The following ZP4 variants were observed in gnomAD, a reference collection of about 807,000 sequenced individuals.
The protein encoded by ZP4 is zona pellucida glycoprotein 4.
Under a neutral mutation model 62.3 loss-of-function variants are expected in ZP4, and 62 were observed. The observed-to-expected ratio is 0.99, with a 90% confidence interval of 0.81 to 1.23. The LOEUF (loss-of-function observed/expected upper bound fraction) is 1.23, where lower values mean the gene tolerates loss of function less well. ZP4 is among the 50% of genes most tolerant of loss of function. ZP4 has a pLI of 0.00. For synonymous variants in ZP4, 289 were observed against 247.3 expected, an observed-to-expected ratio of 1.17 and a Z score of -1.58; for missense variants, 774 against 656.0, an observed-to-expected ratio of 1.18 and a Z score of -1.97.
At chr1:237,887,613 G>A (rs1665136989) in intron 4 of ZP4, 52 bp from the exon 5 acceptor site, 2 of 1,558,476 alleles carry the variant, frequency 1.3e-6, no homozygotes, top group Non-Finnish European at 1.7e-6. Context: ...ATTGTGGGGA[G>A]AACCAGATGA....
chr1:237,883,718 GGAGGGCGGGGGAGGGA>G (rs1664984151), intron 10 of ZP4, among the ~76,000 whole-genome samples: 2 of 19,122 alleles, frequency 1.0e-4, no homozygotes, highest in African/African-American at 5.1e-4. Context: ...GGAGGGCGGG[GGAGGGCGGGGGAGGGA>G]GAGAGAGGGA....
At chr1:237,889,588 CAG>C (rs1665188741) in intron 3 of ZP4, among the ~76,000 whole-genome samples, 1 of 152,118 alleles carries the variant, frequency 6.6e-6, no homozygotes, top group Admixed American at 6.5e-5. Context: ...GCTGTGATTA[CAG>C]GTGTGAGCCA....
At chr1:237,886,658 G>C (rs1665108975) in intron 6 of ZP4, 113 bp downstream of exon 6, 4 of 827,526 alleles carry the variant, frequency 4.8e-6, no homozygotes, top group Middle Eastern at 3.7e-4. Flanking sequence ...GGTGAACCAA[G>C]GTAGCAGACA....
chr1:237,885,424 A>AGG lies in ZP4; in HGVS notation c.1125_1126dup (p.Leu376ProfsTer2). 1 of 1,612,884 alleles carries AGG rather than the reference A, an allele frequency of 6.2e-7. No homozygotes were observed. Among genetic ancestry groups the AGG allele is most frequent in the South Asian group, 1.1e-5 (1 of 90,960 alleles). ...CAGGATGGGCCACTGTGGCTGACTCAGGGGGTCAGTGCTGGGTGTTGCCCA... is the reference window on the plus strand; with the variant it reads ...CAGGATGGGCCACTGTGGCTGACTCAGGGGGGGTCAGTGCTGGGTGTTGCCCA... On this transcript the variant is annotated frameshift_variant, in exon 8 of 12. Coordinates refer to ENST00000366570, the MANE Select transcript of ZP4 (RefSeq NM_021186.5). LOFTEE classifies it high-confidence loss of function.
Position 237,885,263 on chromosome 1 carries a change from C to G in ZP4, c.1213G>C (p.Ala405Pro). Reference protein sequence around the residue: ...YQTQLIPVQKALDLPFPSHHQ... With the variant: ...YQTQLIPVQKPLDLPFPSHHQ... The stretch of plus-strand genomic sequence containing the variant: ...TGAGAGGGAAATGGAAGATCCAAGG[C>G]TTTCTGGACAGGGATCAGCTGGGTC... The change falls in exon 9 of 12, where the codon GCC becomes CCC. Residue 405 changes from alanine to proline, a missense_variant. Ala to Pro is a conservative substitution (Grantham distance 27). Transcript: ENST00000366570. 3 of 1,614,140 alleles carry G rather than the reference C, an allele frequency of 1.9e-6. No individual in the cohort carries two copies. The highest frequency in any genetic ancestry group is 2.5e-6 in the Non-Finnish European group (3 of 1,180,030).
chr1:237,887,708 C>G lies in ZP4; in HGVS notation c.554-147G>C, dbSNP rs1198041398. ...ACAACCTCAGTGCAAGATCAACCAA[C>G]CACAGTTTAACCCAGGCTCTAAATG... On this transcript the variant is annotated intron_variant, in intron 4 of 11. Transcript: ENST00000366570. 6.5e-6 allele frequency: 5 copies of G among 774,796 alleles called. No individual in the cohort carries two copies. The Admixed American group carries it at 8.9e-5, about 14-fold the overall frequency. The allele number at this position is 774,796 out of a possible 1,614,324, so 48.0% of individuals were successfully genotyped here. A position where few individuals can be genotyped will look rare whatever the true frequency, so the allele number is the denominator to read the frequency against.
chr1:237,882,935 C>G (rs1664951001), intron 10 of ZP4, 89 bp from the exon 11 acceptor site: 14 of 1,112,280 alleles, frequency 1.3e-5, no homozygotes, highest in Non-Finnish European at 1.8e-5. Context: ...CCAAGTGTCT[C>G]TATAAAGCTT....
In ZP4 at chr1:237,890,721, T is replaced by C. The variant is rs1665223880; in HGVS notation, c.-86A>G. On this transcript the variant is annotated 5_prime_UTR_variant, in exon 1 of 12. Transcript: ENST00000366570. Reference sequence around the variant, plus strand: ...GTCTGCCTGCCCAGATTCCTTTATATACAGAAGTCAGGCTTGTTTTCAGCT... The same window carrying C: ...GTCTGCCTGCCCAGATTCCTTTATACACAGAAGTCAGGCTTGTTTTCAGCT... 14 of 1,458,238 alleles carry C rather than the reference T, an allele frequency of 9.6e-6. No homozygotes were observed. Among genetic ancestry groups the C allele is most frequent in the Non-Finnish European group, 1.2e-5 (13 of 1,086,942 alleles). 90.3% of individuals were successfully genotyped at this position (1,458,238 alleles called of 1,614,324 possible).
Position 237,886,822 on chromosome 1 carries a change from C to G in ZP4, c.788G>C (p.Arg263Thr). 1 of 1,614,094 alleles carries G rather than the reference C, an allele frequency of 6.2e-7. No individual in the cohort carries two copies. The highest frequency in any genetic ancestry group is 1.7e-4 in the Middle Eastern group (1 of 6,060). ...GCCACGGCTCCCATTTTTCACATCC[C>G]TAGTTGCCACCAGTTCATTTTCATA... Reference protein sequence around the residue: ...AVYENELVATRDVKNGSRGSV... With the variant: ...AVYENELVATTDVKNGSRGSV... The change falls in exon 6 of 12, where the codon AGG (arginine) becomes ACG (threonine). Residue 263 changes from arginine to threonine, a missense_variant. Coordinates refer to ENST00000366570, the MANE Select transcript of ZP4 (RefSeq NM_021186.5).
chr1:237,889,714 C>G (rs550729397), intron 3 of ZP4, among the ~76,000 whole-genome samples, 153 bp downstream of exon 3: 1 of 152,258 alleles, frequency 6.6e-6, no homozygotes, highest in South Asian at 2.1e-4. Flanking sequence ...GGTAGTTATC[C>G]TAAGGATTGC....
At chr1:237,888,206 T>C (rs1341868602) in intron 4 of ZP4, 152 bp downstream of exon 4, 1 of 648,858 alleles carries the variant, frequency 1.5e-6, no homozygotes, top group Non-Finnish European at 2.3e-6. Flanking sequence ...GTTGTAGAAG[T>C]CTGTTACATT....
chr1:237,884,023 C>CACACACACACACACAA, intron 10 of ZP4, among the ~76,000 whole-genome samples: 1 of 65,268 alleles, frequency 1.5e-5, no homozygotes, highest in Admixed American at 1.6e-4. Context: ...CACAAACACA[C>CACACACACACACACAA]ACACACACAA....
intron 10 of ZP4, among the ~76,000 whole-genome samples, chr1:237,884,017 A>ACAC (rs1665026966): frequency 5.7e-5 from 5 of 87,944 alleles, no homozygotes; most frequent in Non-Finnish European, 6.9e-5. Flanking sequence ...CACACACACA[A>ACAC]ACACACACAC....
intron 9 of ZP4, 135 bp downstream of exon 9, chr1:237,885,030 C>G: frequency 7.6e-7 from 1 of 1,316,894 alleles, no homozygotes; most frequent in Non-Finnish European, 1.1e-6. Flanking sequence ...TAATTAGTAA[C>G]AAGGGTTGCT....
chr1:237,884,010 ACACACAAACACAC>A lies in ZP4; in HGVS notation c.1390+746_1390+758del, dbSNP rs1558530978. ...CACACACACACACACACACACACACACACACAAACACACACACACACAAACACACACAAACACA... is the reference window on the plus strand; with the variant it reads ...CACACACACACACACACACACACACAACACACACAAACACACACAAACACA... On this transcript the variant is annotated intron_variant, in intron 10 of 11. Coordinates refer to ENST00000366570, the MANE Select transcript of ZP4 (RefSeq NM_021186.5). Among the ~76,000 whole-genome samples the A allele has an allele frequency of 5.6e-3, 441 of 79,090 alleles. 2 individuals carry two copies. Among genetic ancestry groups the A allele is most frequent in the Non-Finnish European group, 7.0e-3 (276 of 39,284 alleles). The allele number at this position is 79,090 out of a possible 152,430, so 51.9% of individuals were successfully genotyped here.
Position 237,885,557 on chromosome 1 carries a change from C to T in ZP4, c.994G>A (p.Gly332Ser), listed in dbSNP as rs368326237. The T allele has an allele frequency of 6.7e-5, 108 of 1,613,392 alleles. No homozygotes were observed. The highest frequency in any genetic ancestry group is 9.1e-5 in the Non-Finnish European group (107 of 1,179,862). ...AKDKNYGSYY[G>S]VGDYPVVKLL... ...TTCACCACTGGGTAGTCACCAACAC[C>T]GTAGTAAGAGCCATAGTTTTTATCT... Residue 332 changes from glycine to serine, a missense_variant, in exon 8 of 12, where the codon GGT becomes AGT. Physicochemically the swap from Gly to Ser is moderately conservative, Grantham distance 56 (BLOSUM62 0). Coordinates refer to ENST00000366570, the MANE Select transcript of ZP4 (RefSeq NM_021186.5).
intron 6 of ZP4, 82 bp downstream of exon 6, chr1:237,886,689 G>A (rs1379176259): frequency 3.5e-6 from 4 of 1,158,490 alleles, no homozygotes; most frequent in Non-Finnish European, 5.1e-6. Flanking sequence ...TATTGCTGAG[G>A]AATGCTCATT....
Position 237,885,193 on chromosome 1 carries a change from G to A in ZP4, c.1283C>T (p.Thr428Ile). The part of the protein sequence containing the change: ...SIFTFSFVNP[T>I]VEKQALRGPV... ...TCCCCTGAGGGCCTGTTTCTCCACT[G>A]TAGGGTTCACAAAGCTGAAGGTGAA... The change falls in exon 9 of 12, where the codon ACA becomes ATA. Residue 428 changes from threonine (T) to isoleucine (I), a missense_variant. Thr to Ile is a moderately conservative substitution (Grantham distance 89). Transcript: ENST00000366570. The A allele has an allele frequency of 1.2e-6, 2 of 1,614,102 alleles. No individual in the cohort carries two copies. Among genetic ancestry groups the A allele is most frequent in the South Asian group, 2.2e-5 (2 of 91,084 alleles).
chr1:237,884,840 A>T lies in ZP4; in HGVS notation c.1319T>A (p.Leu440Gln). Residue 440 changes from leucine to glutamine, a missense_variant, in exon 10 of 12, where the codon CTG (leucine) becomes CAG (glutamine). By Grantham distance (113) the Leu-to-Gln change is moderately radical. Transcript: ENST00000366570. ...EKQALRGPVH[L>Q]HCSVSVCQPA... ...CTGGCAGACTGACACGCTGCAGTGC[A>T]GATGCACCTGGGAGCCAACAGAATT... 1 of 1,613,330 alleles carries T rather than the reference A, an allele frequency of 6.2e-7. No homozygotes were observed. The highest frequency in any genetic ancestry group is 8.5e-7 in the Non-Finnish European group (1 of 1,179,696).
Sources: gnomAD v4.1 joint callset for allele counts (sites outside exome capture counted in the v4.1 genomes callset) on GRCh38, gnomAD v4.1.1 for gene constraint, MANE v1.5 for transcripts, NCBI Gene and HGNC (gene_info 2026-07-23, HGNC 2026-07-21) for gene names.